Variants in KCNMA1 observed in about 807,000 individuals in gnomAD.
KCNMA1 encodes Calcium-activated potassium channel subunit alpha-1.
A neutral mutation model predicts 140.0 loss-of-function variants in KCNMA1; 29 were observed. The ratio of observed to expected loss-of-function variants is 0.21; its 90% CI spans 0.15 to 0.28. KCNMA1 has a LOEUF of 0.28. Among genes scored for constraint, KCNMA1 ranks in the 10% least tolerant of loss-of-function variants. KCNMA1 has a pLI of 1.00. For synonymous variants in KCNMA1, 612 were observed against 611.9 expected, an observed-to-expected ratio of 1.00 and a Z score of 0.00; for missense variants, 880 against 1,602.2, an observed-to-expected ratio of 0.55 and a Z score of 7.70.
Position 77,108,642 on chromosome 10 carries a change from G to C in KCNMA1, c.1132-70C>G. On this transcript the variant is annotated intron_variant, in intron 8 of 27. Coordinates refer to ENST00000286628, the MANE Select transcript of KCNMA1 (RefSeq NM_001161352.2). The surrounding 1 kb of genome is among the most constrained non-coding windows in gnomAD (Gnocchi z 4.6). ...AGAAAAGGGGGGACCTGTTCAGAGGGTGGGGGCACTAAGATCTGAAAACAC... is the reference window on the plus strand; with the variant it reads ...AGAAAAGGGGGGACCTGTTCAGAGGCTGGGGGCACTAAGATCTGAAAACAC... The C allele has an allele frequency of 9.0e-7, 1 of 1,111,980 alleles. No homozygotes were observed. The allele number at this position is 1,111,980 out of a possible 1,614,324, so 68.9% of individuals were successfully genotyped here.
At chr10:77,129,893 CA>C (rs540733545) in intron 5 of KCNMA1, among the ~76,000 whole-genome samples, 3 of 152,062 alleles carry the variant, frequency 2.0e-5, no homozygotes, top group African/African-American at 4.8e-5. Flanking sequence ...TTGATACACA[CA>C]AAAAAGAAAT....
At position 77,490,847 on chromosome 10, in the gene KCNMA1, A is replaced by G. The variant is rs765135968; in HGVS notation, c.379-86824T>C. Among the ~76,000 whole-genome samples the G allele has an allele frequency of 2.7e-4, 41 of 152,120 alleles. 1 individual carries two copies. Among genetic ancestry groups the G allele is most frequent in the Non-Finnish European group, 2.2e-4 (15 of 68,020 alleles). On this transcript the variant is annotated intron_variant, in intron 1 of 27. Coordinates refer to ENST00000286628, the MANE Select transcript of KCNMA1 (RefSeq NM_001161352.2). ...AATCTCTAGGACCACACAGAACCCC[A>G]GTCCTTATAGGGCTGCCACGTACAG... is the stretch of plus-strand genomic sequence containing the variant.
intron 5 of KCNMA1, among the ~76,000 whole-genome samples, chr10:77,178,660 G>A (rs544870081): frequency 1.9e-4 from 29 of 152,156 alleles, no homozygotes; most frequent in Non-Finnish European, 2.9e-4. Context: ...AGCCAATATC[G>A]CACCACTGCA....
intron 1 of KCNMA1, among the ~76,000 whole-genome samples, chr10:77,574,397 A>C (rs1229837633): frequency 6.6e-6 from 1 of 152,162 alleles, no homozygotes; most frequent in Non-Finnish European, 1.5e-5. Flanking sequence ...TGGTCTAAAA[A>C]ATTTAGGATT....
intron 5 of KCNMA1, among the ~76,000 whole-genome samples, chr10:77,176,186 T>A (rs2098750220): frequency 6.6e-6 from 1 of 151,828 alleles, no homozygotes; most frequent in Admixed American, 6.6e-5. Context: ...AAAGGAAGAG[T>A]GGTGTGCTGA....
chr10:77,090,316 A>C, intron 10 of KCNMA1, 84 bp downstream of exon 10: 1 of 952,248 alleles, frequency 1.1e-6, no homozygotes, highest in South Asian at 1.3e-5. Flanking sequence ...ATTCCCCAAG[A>C]CCTCCACTCT....
At chr10:77,588,370 G>A (rs1460436681) in intron 1 of KCNMA1, among the ~76,000 whole-genome samples, 1 of 152,178 alleles carries the variant, frequency 6.6e-6, no homozygotes, top group African/African-American at 2.4e-5. Flanking sequence ...CTGGATGTAG[G>A]AGAAGGCTGC....
chr10:76,968,396 C>T (rs1175936689), intron 20 of KCNMA1, among the ~76,000 whole-genome samples: 1 of 152,148 alleles, frequency 6.6e-6, no homozygotes, highest in African/African-American at 2.4e-5. Flanking sequence ...ATTATTATTA[C>T]TCAAGATCAA....
chr10:77,166,855 A>G (rs1177993038), intron 5 of KCNMA1, among the ~76,000 whole-genome samples: 5 of 152,234 alleles, frequency 3.3e-5, no homozygotes, highest in African/African-American at 1.2e-4. Context: ...AGATGGATGT[A>G]TTTTCAGTGT....
intron 2 of KCNMA1, among the ~76,000 whole-genome samples, chr10:77,328,609 T>C (rs2085109928): frequency 6.6e-6 from 1 of 152,190 alleles, no homozygotes; most frequent in Non-Finnish European, 1.5e-5. Context: ...AAGAGACAAG[T>C]GGACAAAGAC....
intron 5 of KCNMA1, among the ~76,000 whole-genome samples, chr10:77,121,285 G>C (rs2153948566): frequency 6.6e-6 from 1 of 152,282 alleles, no homozygotes; most frequent in South Asian, 2.1e-4. Flanking sequence ...TTTAGAGGAA[G>C]GGCTCATGGG....
chr10:77,254,938 C>T (rs938388545), intron 2 of KCNMA1, among the ~76,000 whole-genome samples: 1 of 152,208 alleles, frequency 6.6e-6, no homozygotes, highest in Non-Finnish European at 1.5e-5. Flanking sequence ...TGTAACAAAG[C>T]ATTGTCCCAC....
rs893168983 is a variant in KCNMA1, at chr10:77,404,520, C to T, written c.379-497G>A. 3.9e-5 allele frequency among the ~76,000 whole-genome samples: 6 copies of T among 152,066 alleles called. No individual in the cohort carries two copies. The South Asian group carries it at 6.2e-4, about 16-fold the overall frequency. ...CTCAAACTCCTGACCTCAAGTGATCCGCCCACCTCAGCCTCCCAAAGTTCT... is the reference window on the plus strand; with the variant it reads ...CTCAAACTCCTGACCTCAAGTGATCTGCCCACCTCAGCCTCCCAAAGTTCT... On this transcript the variant is annotated intron_variant, in intron 1 of 27. Coordinates refer to ENST00000286628, the MANE Select transcript of KCNMA1 (RefSeq NM_001161352.2).
intron 2 of KCNMA1, among the ~76,000 whole-genome samples, chr10:77,395,471 C>T (rs2154448751): frequency 6.6e-6 from 1 of 152,336 alleles, no homozygotes; most frequent in Middle Eastern, 3.4e-3. Context: ...AAATGTTTCC[C>T]AAAGTGAGTG....
At chr10:77,598,900 G>A (rs1268226182) in intron 1 of KCNMA1, among the ~76,000 whole-genome samples, 6 of 152,230 alleles carry the variant, frequency 3.9e-5, no homozygotes, top group South Asian at 2.1e-4. Flanking sequence ...GGCAGACAAC[G>A]AAAAGCTGGC....
At chr10:77,041,161 T>TCACCA (rs1565721651) in intron 14 of KCNMA1, among the ~76,000 whole-genome samples, 1 of 2,954 alleles carries the variant, frequency 3.4e-4, no homozygotes, top group Non-Finnish European at 7.0e-4. Flanking sequence ...CTTTTTTTTT[T>TCACCA]TTTTTTTTTT....
At chr10:77,252,298 C>T (rs2059806324) in intron 2 of KCNMA1, among the ~76,000 whole-genome samples, 1 of 152,188 alleles carries the variant, frequency 6.6e-6, no homozygotes, top group African/African-American at 2.4e-5. Flanking sequence ...AAAGAAGATG[C>T]TTTCAGCCAA....
chr10:77,637,292 C>T lies in KCNMA1; in HGVS notation c.351G>A (p.Val117=), dbSNP rs1176359702. The T allele has an allele frequency of 6.2e-7, 1 of 1,610,720 alleles. No homozygotes were observed. The highest frequency in any genetic ancestry group is 2.2e-5 in the East Asian group (1 of 44,746). ...TCGTCTTGCCCCCGCAGTGGCAGCA[C>T]ACGGTCCACAGGTACTTGAGCGTCC... ...LWRTLKYLWT[V]CCHCGGKTKE... The change falls in exon 1 of 28, where the codon GTG becomes GTA. Residue 117 remains valine, a synonymous_variant. Coordinates refer to ENST00000286628, the MANE Select transcript of KCNMA1 (RefSeq NM_001161352.2).
At chr10:76,943,839 G>A (rs539132583) in intron 23 of KCNMA1, among the ~76,000 whole-genome samples, 31 of 152,284 alleles carry the variant, frequency 2.0e-4, no homozygotes, top group African/African-American at 6.7e-4. Context: ...GCATGATGGG[G>A]AGGAGGTCAG....
Sources: allele counts gnomAD v4.1 joint callset (sites outside exome capture counted in the v4.1 genomes callset), GRCh38; gene constraint gnomAD v4.1.1; non-coding constraint Gnocchi (gnomAD v3.1); transcripts MANE v1.5; gene names NCBI Gene and HGNC (gene_info 2026-07-23, HGNC 2026-07-21).